XXYLT1: variants seen among roughly 807,000 people sequenced by gnomAD.
XXYLT1 encodes UDP-xylose:alpha-xyloside alpha-1,3-xylosyltransferase.
A neutral mutation model predicts 28.9 loss-of-function variants in XXYLT1; 20 were observed. The ratio of observed to expected loss-of-function variants is 0.69; its 90% CI spans 0.49 to 1.00. The LOEUF (loss-of-function observed/expected upper bound fraction) is 1.00, where lower values mean the gene tolerates loss of function less well. XXYLT1 is among the 50% of genes least tolerant of loss of function. XXYLT1 has a pLI of 0.00. For missense variants in XXYLT1, 542 were observed against 560.1 expected (o/e 0.97, Z 0.33); for synonymous variants, 257 against 253.8 (o/e 1.01, Z -0.12).
At chr3:195,167,445 G>A (rs981714013) in intron 2 of XXYLT1, among the ~76,000 whole-genome samples, 5 of 152,098 alleles carry the variant, frequency 3.3e-5, no homozygotes, top group Admixed American at 1.3e-4. Flanking sequence ...ACAAAAATTA[G>A]CCGGGAGTGG....
intron 3 of XXYLT1, among the ~76,000 whole-genome samples, chr3:195,082,585 G>A (rs995284221): frequency 1.3e-5 from 2 of 152,222 alleles, no homozygotes; most frequent in Non-Finnish European, 2.9e-5. Flanking sequence ...GGGCACGGTG[G>A]CTCACGCCTG....
At chr3:195,242,236 T>C (rs1348747025) in intron 1 of XXYLT1, among the ~76,000 whole-genome samples, 1 of 152,206 alleles carries the variant, frequency 6.6e-6, no homozygotes, top group Non-Finnish European at 1.5e-5. Context: ...GGGCATGTCA[T>C]GTGCTTCTCC....
chr3:195,166,607 TC>T (rs1219345005), intron 2 of XXYLT1, among the ~76,000 whole-genome samples: 2 of 152,200 alleles, frequency 1.3e-5, no homozygotes, highest in African/African-American at 4.8e-5. Context: ...ACGTGTTCTA[TC>T]TGAAATGATT....
rs570483036 is a variant in XXYLT1, at chr3:195,121,883, G to T, written c.785+34566C>A. The T allele has an allele frequency of 2.0e-5, 12 of 606,662 alleles. No individual in the cohort carries two copies. In the African/African-American group the frequency reaches 2.2e-4, roughly 11 times the overall value. 37.6% of individuals were successfully genotyped at this position (606,662 alleles called of 1,614,324 possible). ...GGTGCTGACCAAGTCATCTCTAAAG[G>T]CATCGTCTAGCACTGGGCCTCCAAG... On this transcript the variant is annotated intron_variant, in intron 3 of 3. Coordinates refer to ENST00000310380, the MANE Select transcript of XXYLT1 (RefSeq NM_152531.5).
In XXYLT1 at chr3:195,088,353, GCCT is replaced by G. The variant is rs776243446; in HGVS notation, c.786-18245_786-18243del. Among the ~76,000 whole-genome samples, 400 of 147,938 alleles carry G rather than the reference GCCT, an allele frequency of 2.7e-3. 2 individuals are homozygous for G. The highest frequency in any genetic ancestry group is 6.2e-3 in the African/African-American group (253 of 41,042). ...CTGGAGATCTGAGAACGGGCAGACT[GCCT>G]CCTCAAGTGGGTCCCTGACCCCTGA... is the stretch of plus-strand genomic sequence containing the variant. On this transcript the variant is annotated intron_variant, in intron 3 of 3. Transcript: ENST00000310380.
chr3:195,075,762 CAT>C (rs113614273), intron 3 of XXYLT1, among the ~76,000 whole-genome samples: 4 of 152,362 alleles, frequency 2.6e-5, no homozygotes, highest in East Asian at 1.9e-4. Context: ...TCCTAAGAAA[CAT>C]GTGCTTGTTT....
At chr3:195,264,215 G>A (rs1725773169) in intron 1 of XXYLT1, among the ~76,000 whole-genome samples, 1 of 152,244 alleles carries the variant, frequency 6.6e-6, no homozygotes, top group Non-Finnish European at 1.5e-5. Context: ...AAATAAGGAT[G>A]GCATCTATGG....
intron 3 of XXYLT1, chr3:195,152,741 T>C (rs1191576292): frequency 6.6e-6 from 1 of 152,182 alleles, no homozygotes; most frequent in East Asian, 1.9e-4. Context: ...AATGTGCCCT[T>C]TTGAGGTAAA....
In XXYLT1 at chr3:195,195,988, T is replaced by C. The variant is rs73890735; in HGVS notation, c.652+30721A>G. Among the ~76,000 whole-genome samples, 7,808 of 152,226 alleles carry C rather than the reference T, an allele frequency of 0.051. 616 individuals are homozygous for C. Among genetic ancestry groups the C allele is most frequent in the African/African-American group, 0.18 (7,365 of 41,498 alleles). On this transcript the variant is annotated intron_variant, in intron 2 of 3. Transcript: ENST00000310380. The surrounding 1 kb of genome is among the most constrained non-coding windows in gnomAD (Gnocchi z 4.4). ...GGCTAGCCCGAGGCTGCAGCCTGCT[T>C]GCCCAGGTCACCTGCCACTGCCAGT...
At position 195,150,219 on chromosome 3, in the gene XXYLT1, G is replaced by A. The variant is rs1055900966; in HGVS notation, c.785+6230C>T. ...ATCTGATTCAATCTCCCTCAACTCT[G>A]CCACATATAGTGTTATAATCTCCAT... On this transcript the variant is annotated intron_variant, in intron 3 of 3. Coordinates refer to ENST00000310380, the MANE Select transcript of XXYLT1 (RefSeq NM_152531.5). The surrounding 1 kb of genome is among the most constrained non-coding windows in gnomAD (Gnocchi z 4.7). 2.6e-5 allele frequency among the ~76,000 whole-genome samples: 4 copies of A among 152,156 alleles called. No individual in the cohort carries two copies. Among genetic ancestry groups the A allele is most frequent in the African/African-American group, 9.7e-5 (4 of 41,426 alleles).
intron 3 of XXYLT1, among the ~76,000 whole-genome samples, chr3:195,141,399 A>G (rs976006811): frequency 3.9e-5 from 6 of 152,348 alleles, no homozygotes; most frequent in African/African-American, 1.4e-4. Flanking sequence ...ATGTTTTTCT[A>G]TGATAAGAAC....
chr3:195,259,479 G>T, intron 1 of XXYLT1: 1 of 683,916 alleles, frequency 1.5e-6, no homozygotes, highest in Non-Finnish European at 1.8e-6. Flanking sequence ...AAGGCTGTGA[G>T]GAAGGGCAGC....
chr3:195,214,202 C>G (rs1723456246), intron 2 of XXYLT1, among the ~76,000 whole-genome samples: 1 of 152,144 alleles, frequency 6.6e-6, no homozygotes, highest in South Asian at 2.1e-4. Context: ...GTTCACTTCT[C>G]CTGCCTCAGG....
chr3:195,215,451 G>A (rs1723529417), intron 2 of XXYLT1, among the ~76,000 whole-genome samples: 1 of 124,918 alleles, frequency 8.0e-6, no homozygotes, highest in Admixed American at 8.4e-5. Context: ...GACACACATA[G>A]GCTCAAAATA....
intron 2 of XXYLT1, chr3:195,175,934 T>G (rs1303564691): frequency 1.2e-5 from 17 of 1,387,306 alleles, no homozygotes; most frequent in Admixed American, 3.1e-5. Context: ...GAAATTTCAG[T>G]CATGTTTGTT....
chr3:195,151,197 G>A lies in XXYLT1; in HGVS notation c.785+5252C>T, dbSNP rs138981299. On this transcript the variant is annotated intron_variant, in intron 3 of 3. Coordinates refer to ENST00000310380, the MANE Select transcript of XXYLT1 (RefSeq NM_152531.5). ...TGCTAAAAAGGGAAGTTTTACAATC[G>A]TGGGTAGAGGTGGGCAGCCAGATTT... Among the ~76,000 whole-genome samples the A allele has an allele frequency of 4.9e-3, 740 of 152,228 alleles. 3 individuals are homozygous for A. The highest frequency in any genetic ancestry group is 0.017 in the African/African-American group (713 of 41,522).
At position 195,124,562 on chromosome 3, in the gene XXYLT1, C is replaced by T. The variant is rs766236691; in HGVS notation, c.785+31887G>A. On this transcript the variant is annotated intron_variant, in intron 3 of 3. Coordinates refer to ENST00000310380, the MANE Select transcript of XXYLT1 (RefSeq NM_152531.5). The surrounding 1 kb of genome is among the most constrained non-coding windows in gnomAD (Gnocchi z 4.1). ...GGGCAAGGACCACGTTTGTTTTGCT[C>T]ACGAACGCAGCCCCAGCACCTGGCA... is the stretch of plus-strand genomic sequence containing the variant. 6.6e-6 allele frequency among the ~76,000 whole-genome samples: 1 copy of T among 152,302 alleles called. No homozygotes were observed. The highest frequency in any genetic ancestry group is 3.4e-3 in the Middle Eastern group (1 of 294).
intron 1 of XXYLT1, among the ~76,000 whole-genome samples, chr3:195,241,545 G>A (rs530170707): frequency 6.6e-6 from 1 of 152,162 alleles, no homozygotes; most frequent in East Asian, 1.9e-4. Flanking sequence ...CAATTAACCT[G>A]CACCAAGAAT....
At chr3:195,138,813 C>G (rs1240512117) in intron 3 of XXYLT1, among the ~76,000 whole-genome samples, 1 of 146,060 alleles carries the variant, frequency 6.8e-6, no homozygotes, top group East Asian at 2.1e-4. Flanking sequence ...CAAAATTGCA[C>G]CACTGCAGTC....
Sources: allele counts gnomAD v4.1 joint callset (sites outside exome capture counted in the v4.1 genomes callset), GRCh38; gene constraint gnomAD v4.1.1; non-coding constraint Gnocchi (gnomAD v3.1); transcripts MANE v1.5; gene names NCBI Gene and HGNC (gene_info 2026-07-23, HGNC 2026-07-21).